Variants in UBTD2 observed in about 807,000 individuals in gnomAD.
The protein encoded by UBTD2 is ubiquitin domain-containing protein 2.
In UBTD2, 9 loss-of-function variants were observed where a neutral mutation model predicts 19.8. That is an observed-to-expected ratio of 0.46 (90% CI 0.27 to 0.79). The LOEUF is 0.79. Ranked by LOEUF, UBTD2 falls within the 30% of genes least tolerant of loss-of-function variation. The probability of loss-of-function intolerance (pLI) is 0.14; values close to 1 mark genes in which losing one functional copy is unlikely to be tolerated. For missense variants in UBTD2, 250 were observed against 300.4 expected, an observed-to-expected ratio of 0.83 and a Z score of 1.24; for synonymous variants, 98 against 103.9, an observed-to-expected ratio of 0.94 and a Z score of 0.35.
intron 1 of UBTD2, among the ~76,000 whole-genome samples, chr5:172,236,852 A>T (rs1772020544): frequency 6.6e-6 from 1 of 152,214 alleles, no homozygotes; most frequent in African/African-American, 2.4e-5. Context: ...CAGGACCTAA[A>T]ACTAAAGCAA....
chr5:172,224,792 C>A (rs963224331), intron 2 of UBTD2, among the ~76,000 whole-genome samples: 1 of 152,116 alleles, frequency 6.6e-6, no homozygotes, highest in Admixed American at 6.5e-5. Context: ...TCCGGCAGTT[C>A]TTTACAGCAG....
At chr5:172,251,243 CAGG>C (rs1755006913) in intron 1 of UBTD2, among the ~76,000 whole-genome samples, 1 of 143,714 alleles carries the variant, frequency 7.0e-6, no homozygotes, top group Non-Finnish European at 1.5e-5. Flanking sequence ...GGCCTGAACC[CAGG>C]AGGCCAGGCT....
chr5:172,279,775 G>A (rs1410790913), intron 1 of UBTD2, among the ~76,000 whole-genome samples: 2 of 152,210 alleles, frequency 1.3e-5, no homozygotes, highest in Non-Finnish European at 2.9e-5. Flanking sequence ...CTAAAGGCTT[G>A]TCTAGAGGTC....
intron 1 of UBTD2, among the ~76,000 whole-genome samples, chr5:172,275,742 G>T (rs1392791321): frequency 6.6e-6 from 1 of 151,878 alleles, no homozygotes; most frequent in Non-Finnish European, 1.5e-5. Context: ...CTAAATTTCC[G>T]TACCACACTA....
intron 1 of UBTD2, among the ~76,000 whole-genome samples, chr5:172,244,943 G>C (rs1258817503): frequency 2.6e-5 from 4 of 152,054 alleles, no homozygotes; most frequent in African/African-American, 7.2e-5. Flanking sequence ...GGCCAGGCTG[G>C]TCTATGAACT....
intron 1 of UBTD2, chr5:172,255,381 C>T (rs894953720): frequency 8.2e-6 from 4 of 488,592 alleles, no homozygotes; most frequent in South Asian, 1.6e-5. Context: ...AGTATGACAC[C>T]GAGACAGGGT....
At chr5:172,261,054 G>C (rs1467242358) in intron 1 of UBTD2, among the ~76,000 whole-genome samples, 1 of 152,086 alleles carries the variant, frequency 6.6e-6, no homozygotes, top group African/African-American at 2.4e-5. Context: ...GACAGAAATG[G>C]GTGACTATCA....
intron 1 of UBTD2, chr5:172,252,313 G>C (rs191800035): frequency 3.3e-5 from 5 of 152,188 alleles, no homozygotes; most frequent in African/African-American, 1.2e-4. Context: ...TGGCACAGAA[G>C]TTGGCCTTTT....
chr5:172,219,033 A>G (rs1771604134), intron 2 of UBTD2, among the ~76,000 whole-genome samples: 1 of 152,122 alleles, frequency 6.6e-6, no homozygotes, highest in East Asian at 1.9e-4. Flanking sequence ...CATTTGATAA[A>G]CCTAGATAAA....
rs182895194 is a variant in UBTD2 at position 172,262,788 on chromosome 5, C to T, written c.70+20808G>A. On this transcript the variant is annotated intron_variant, in intron 1 of 2. Transcript: ENST00000393792. ...CAAGATCACGCCACTGCCCTCCAGC[C>T]CAGGTGACAGAGCAAGACTCATCTC... Among the ~76,000 whole-genome samples, 173 of 152,102 alleles carry T rather than the reference C, an allele frequency of 1.1e-3. 3 individuals carry two copies. Among genetic ancestry groups the T allele is most frequent in the Non-Finnish European group, 1.6e-3 (111 of 67,992 alleles).
chr5:172,251,140 C>T (rs1280447289), intron 1 of UBTD2, among the ~76,000 whole-genome samples: 1 of 150,374 alleles, frequency 6.7e-6, no homozygotes, highest in African/African-American at 2.4e-5. Context: ...CGGTGAAACC[C>T]GTCTCTACTA....
chr5:172,276,420 G>C (rs907941112), intron 1 of UBTD2, among the ~76,000 whole-genome samples: 1 of 152,010 alleles, frequency 6.6e-6, no homozygotes, highest in African/African-American at 2.4e-5. Context: ...CTTTACCAAC[G>C]ATTACCCCAT....
Position 172,283,670 on chromosome 5 carries a change from G to C in UBTD2, c.-5C>G. On this transcript the variant is annotated 5_prime_UTR_variant, in exon 1 of 3. Transcript: ENST00000393792. The surrounding 1 kb of genome is among the most constrained non-coding windows in gnomAD (Gnocchi z 4.3). ...GGCGCCCACACACCCGCCCATGGGG[G>C]CCCCCGGCGCCTCGTCCGCCACCTC... The C allele has an allele frequency of 8.1e-7, 1 of 1,234,920 alleles. No individual in the cohort carries two copies. The highest frequency in any genetic ancestry group is 1.0e-6 in the Non-Finnish European group (1 of 985,442). The allele number at this position is 1,234,920 out of a possible 1,614,324, so 76.5% of individuals were successfully genotyped here. A position where few individuals can be genotyped will look rare whatever the true frequency, so the allele number is the denominator to read the frequency against.
intron 1 of UBTD2, among the ~76,000 whole-genome samples, chr5:172,270,982 A>AT (rs1755477341): frequency 6.6e-6 from 1 of 152,116 alleles, no homozygotes; most frequent in African/African-American, 2.4e-5. Flanking sequence ...ATCTAATAAC[A>AT]TATCTTAATA....
intron 2 of UBTD2, among the ~76,000 whole-genome samples, chr5:172,217,762 G>A (rs1344959810): frequency 6.6e-6 from 1 of 152,142 alleles, no homozygotes; most frequent in Non-Finnish European, 1.5e-5. Flanking sequence ...GTGATTACAG[G>A]TATGAGCCAC....
At chr5:172,217,125 G>A (rs1411214395) in intron 2 of UBTD2, among the ~76,000 whole-genome samples, 1 of 151,958 alleles carries the variant, frequency 6.6e-6, no homozygotes. Context: ...CAAAACTGAA[G>A]GAGAGGCAGG....
intron 2 of UBTD2, among the ~76,000 whole-genome samples, chr5:172,215,816 T>G (rs891811309): frequency 6.6e-6 from 1 of 152,182 alleles, no homozygotes; most frequent in Non-Finnish European, 1.5e-5. Flanking sequence ...TTTGATGGGC[T>G]TACTGGTAAC....
At chr5:172,266,074 C>T (rs556808023) in intron 1 of UBTD2, among the ~76,000 whole-genome samples, 109 of 152,026 alleles carry the variant, frequency 7.2e-4, no homozygotes, top group Non-Finnish European at 1.4e-3. Context: ...GCTGGGATTA[C>T]AGGTGTGTGC....
At chr5:172,242,794 G>C (rs983671224) in intron 1 of UBTD2, among the ~76,000 whole-genome samples, 1 of 152,150 alleles carries the variant, frequency 6.6e-6, no homozygotes, top group Non-Finnish European at 1.5e-5. Context: ...ACCTGAATCA[G>C]CTACAGGGTT....
Sources: allele counts gnomAD v4.1 joint callset (sites outside exome capture counted in the v4.1 genomes callset), GRCh38; gene constraint gnomAD v4.1.1; non-coding constraint Gnocchi (gnomAD v3.1); transcripts MANE v1.5; gene names NCBI Gene and HGNC (gene_info 2026-07-23, HGNC 2026-07-21).